Variants in TXNDC5 observed in about 807,000 individuals in gnomAD.
TXNDC5 encodes thioredoxin domain containing 5.
Under a neutral mutation model 52.6 loss-of-function variants are expected in TXNDC5, and 44 were observed. The ratio of observed to expected loss-of-function variants is 0.84; its 90% CI spans 0.66 to 1.08. The LOEUF (loss-of-function observed/expected upper bound fraction) is 1.08. Ranked by LOEUF, TXNDC5 falls within the 50% of genes least tolerant of loss-of-function variation. The probability of loss-of-function intolerance (pLI) is 0.00; values close to 1 mark genes in which losing one functional copy is unlikely to be tolerated. For synonymous variants in TXNDC5, 241 were observed against 234.4 expected, an observed-to-expected ratio of 1.03 and a Z score of -0.26; for missense variants, 600 against 565.5, an observed-to-expected ratio of 1.06 and a Z score of -0.62.
chr6:7,885,245 TAAAC>T (rs1759924476), intron 8 of TXNDC5, among the ~76,000 whole-genome samples: 1 of 152,254 alleles, frequency 6.6e-6, no homozygotes, highest in African/African-American at 2.4e-5. Context: ...CATGTTTAGA[TAAAC>T]AATCTACTGT....
chr6:7,891,817 A>C, intron 4 of TXNDC5, 81 bp from the exon 5 acceptor site: 3 of 1,005,362 alleles, frequency 3.0e-6, no homozygotes, highest in Non-Finnish European at 4.6e-6. Flanking sequence ...TTAATTGAAG[A>C]ATCAGATCTT....
chr6:7,906,552 A>AAC (rs1561816148), intron 1 of TXNDC5, among the ~76,000 whole-genome samples: 10 of 150,342 alleles, frequency 6.7e-5, no homozygotes, highest in African/African-American at 2.0e-4. Flanking sequence ...AAAAAAAAAA[A>AAC]AAAAAGAAAA....
In TXNDC5 at chr6:7,882,292, G is replaced by A. The variant is rs938942387; in HGVS notation, c.*852C>T. 4 of 152,316 alleles carry A rather than the reference G, an allele frequency of 2.6e-5. No homozygotes were observed. The highest frequency in any genetic ancestry group is 5.9e-5 in the Non-Finnish European group (4 of 68,030). The allele number at this position is 152,316 out of a possible 1,614,324, so 9.4% of individuals were successfully genotyped here. ...GTCACCCCAGGTGACAAATACAACT[G>A]GAATCTTTCAATGAGTTAATGAGAT... On this transcript the variant is annotated 3_prime_UTR_variant, in exon 10 of 10. Transcript: ENST00000379757.
Position 7,886,472 on chromosome 6 carries a change from C to T in TXNDC5, c.964-429G>A, listed in dbSNP as rs192218303. On this transcript the variant is annotated intron_variant, in intron 7 of 9. Coordinates refer to ENST00000379757, the MANE Select transcript of TXNDC5 (RefSeq NM_030810.5). Reference sequence around the variant, plus strand: ...TACCCACTGAAGTCTCATCCTCAGCCGCTTTTCTCACTGGCCACCCTATTC... The same window carrying T: ...TACCCACTGAAGTCTCATCCTCAGCTGCTTTTCTCACTGGCCACCCTATTC... 2.7e-3 allele frequency among the ~76,000 whole-genome samples: 416 copies of T among 152,310 alleles called. 5 individuals carry two copies. The highest frequency in any genetic ancestry group is 9.6e-3 in the African/African-American group (399 of 41,564).
Position 7,883,012 on chromosome 6 carries a change from G to GA in TXNDC5, c.*131dup. 1 of 1,230,730 alleles carries GA rather than the reference G, an allele frequency of 8.1e-7. No homozygotes were observed. The highest frequency in any genetic ancestry group is 1.5e-5 in the South Asian group (1 of 68,712). The allele number at this position is 1,230,730 out of a possible 1,614,324, so 76.2% of individuals were successfully genotyped here. ...TTGGCTTGGAAAACACACACACAAA[G>GA]AAGATACCTCACGCTTAGTATGTTC... is the stretch of plus-strand genomic sequence containing the variant. On this transcript the variant is annotated 3_prime_UTR_variant, in exon 10 of 10. Coordinates refer to ENST00000379757, the MANE Select transcript of TXNDC5 (RefSeq NM_030810.5).
chr6:7,891,500 C>T (rs904406679), intron 5 of TXNDC5, 121 bp downstream of exon 5: 2 of 688,100 alleles, frequency 2.9e-6, no homozygotes, highest in East Asian at 3.0e-5. Flanking sequence ...TCAAGTGGCA[C>T]ACTAAATGGA....
rs1223655665 is a variant in TXNDC5 at position 7,882,072 on chromosome 6, T to TTGG, written c.*1069_*1071dup. 1 of 152,632 alleles carries TTGG rather than the reference T, an allele frequency of 6.6e-6. No homozygotes were observed. Among genetic ancestry groups the TTGG allele is most frequent in the East Asian group, 1.9e-4 (1 of 5,200 alleles). The allele number at this position is 152,632 out of a possible 1,614,324, so 9.5% of individuals were successfully genotyped here. A position where few individuals can be genotyped will look rare whatever the true frequency, so the allele number is the denominator to read the frequency against. ...CAGAGCAGCCCACTGACATCTGTCT[T>TTGG]TGGTCTTGAGATCAAATGCATCCCA... On this transcript the variant is annotated 3_prime_UTR_variant, in exon 10 of 10. Transcript: ENST00000379757.
rs1268273240 is a variant in TXNDC5 at position 7,899,571 on chromosome 6, C to T, written c.519+5G>A. 1 of 1,595,552 alleles carries T rather than the reference C, an allele frequency of 6.3e-7. No homozygotes were observed. The highest frequency in any genetic ancestry group is 1.4e-5 in the African/African-American group (1 of 70,238). ...AGGGAGGGAGGGAAGGAGGTAGACA[C>T]TCACCACTGGCTCCTCGTTCAGTGT... On this transcript the variant is annotated splice_donor_5th_base_variant and intron_variant, in intron 3 of 9. Coordinates refer to ENST00000379757, the MANE Select transcript of TXNDC5 (RefSeq NM_030810.5).
chr6:7,884,666 A>G (rs893549219), intron 8 of TXNDC5, among the ~76,000 whole-genome samples, 178 bp from the exon 9 acceptor site: 2 of 152,170 alleles, frequency 1.3e-5, no homozygotes, highest in African/African-American at 2.4e-5. Flanking sequence ...TCCTATCCCA[A>G]ATGAAGAACC....
chr6:7,908,293 A>G (rs1050879520), intron 1 of TXNDC5, among the ~76,000 whole-genome samples: 10 of 151,472 alleles, frequency 6.6e-5, no homozygotes, highest in African/African-American at 2.2e-4. Flanking sequence ...AAAAAAAAAA[A>G]AAAAAAAAAA....
In TXNDC5 at chr6:7,909,587, T is replaced by A. The variant is rs149742777; in HGVS notation, c.263+927A>T. Among the ~76,000 whole-genome samples the A allele has an allele frequency of 9.4e-3, 1,432 of 152,198 alleles. 11 individuals carry two copies. The highest frequency in any genetic ancestry group is 0.018 in the South Asian group (89 of 4,822). The stretch of plus-strand genomic sequence containing the variant: ...GGAGGGGCTTTTCCGATCTCACACA[T>A]AACAAGTGACCTGGACCCGAGAGAG... On this transcript the variant is annotated intron_variant, in intron 1 of 9. Transcript: ENST00000379757.
Position 7,882,951 on chromosome 6 carries a change from G to T in TXNDC5, c.*193C>A, listed in dbSNP as rs992883043. ...TGACCATGAGTTACACATTTACTTAGAGAAACTTAACTTAATAAAGAATCT... is the reference window on the plus strand; with the variant it reads ...TGACCATGAGTTACACATTTACTTATAGAAACTTAACTTAATAAAGAATCT... On this transcript the variant is annotated 3_prime_UTR_variant, in exon 10 of 10. Coordinates refer to ENST00000379757, the MANE Select transcript of TXNDC5 (RefSeq NM_030810.5). 2 of 664,410 alleles carry T rather than the reference G, an allele frequency of 3.0e-6. No individual in the cohort carries two copies. Among genetic ancestry groups the T allele is most frequent in the Non-Finnish European group, 4.8e-6 (2 of 414,794 alleles). The allele number at this position is 664,410 out of a possible 1,614,324, so 41.2% of individuals were successfully genotyped here.
At chr6:7,891,484 G>T in intron 5 of TXNDC5, 137 bp downstream of exon 5, 2 of 608,162 alleles carry the variant, frequency 3.3e-6, no homozygotes, top group Non-Finnish European at 2.8e-6. Context: ...AAGGTGAAAT[G>T]AATTATCAAG....
chr6:7,888,956 A>T (rs1242562172), intron 6 of TXNDC5, 108 bp from the exon 7 acceptor site: 1 of 1,402,410 alleles, frequency 7.1e-7, no homozygotes, highest in Non-Finnish European at 9.6e-7. Context: ...CAGATGTCTT[A>T]GCGGTGGTGC....
intron 4 of TXNDC5, chr6:7,894,740 G>A: frequency 2.0e-6 from 2 of 985,432 alleles, no homozygotes; most frequent in Non-Finnish European, 2.4e-6. Context: ...GCCAGATGCT[G>A]GGCTGCCAAA....
At chr6:7,905,675 G>A (rs1760707620) in intron 1 of TXNDC5, among the ~76,000 whole-genome samples, 1 of 152,172 alleles carries the variant, frequency 6.6e-6, no homozygotes. Flanking sequence ...TGCCATACTC[G>A]AATTTTGAAT....
chr6:7,902,850 T>G (rs1028322861), intron 2 of TXNDC5, among the ~76,000 whole-genome samples: 15 of 152,154 alleles, frequency 9.9e-5, no homozygotes, highest in African/African-American at 3.6e-4. Flanking sequence ...CTTTTTAAAT[T>G]TGTGACTTTT....
chr6:7,907,396 G>C (rs919758308), intron 1 of TXNDC5, among the ~76,000 whole-genome samples: 2 of 152,136 alleles, frequency 1.3e-5, no homozygotes, highest in Middle Eastern at 3.2e-3. Context: ...CCAAGAAGTA[G>C]AGCAAAGCTA....
chr6:7,883,356 T>C, intron 9 of TXNDC5, 90 bp from the exon 10 acceptor site: 2 of 1,578,136 alleles, frequency 1.3e-6, no homozygotes, highest in South Asian at 1.1e-5. Flanking sequence ...ACTCCTACCG[T>C]TGTGGCTGGA....
Sources: allele counts gnomAD v4.1 joint callset (sites outside exome capture counted in the v4.1 genomes callset), GRCh38; gene constraint gnomAD v4.1.1; transcripts MANE v1.5; gene names NCBI Gene and HGNC (gene_info 2026-07-23, HGNC 2026-07-21).